BCAS4: variants seen among roughly 807,000 people sequenced by gnomAD.
BCAS4 encodes the protein breast carcinoma amplified sequence 4.
BCAS4 carries 9 observed loss-of-function variants against 15.7 expected under a neutral mutation model. That is an observed-to-expected ratio of 0.57 (90% CI 0.34 to 1.00). The LOEUF (loss-of-function observed/expected upper bound fraction) is 1.00, where lower values mean the gene tolerates loss of function less well. Ranked by LOEUF, BCAS4 falls within the 50% of genes least tolerant of loss-of-function variation. The pLI is 0.02. For missense variants in BCAS4, 225 were observed against 239.1 expected (o/e 0.94, Z 0.39); for synonymous variants, 101 against 99.5 (o/e 1.02, Z -0.09).
intron 4 of BCAS4, among the ~76,000 whole-genome samples, chr20:50,872,680 CTG>C (rs1979717581): frequency 6.6e-6 from 1 of 152,230 alleles, no homozygotes; most frequent in South Asian, 2.1e-4. Context: ...CTCTCCAAGA[CTG>C]TGTTTTGGTC....
intron 2 of BCAS4, among the ~76,000 whole-genome samples, chr20:50,821,640 G>A (rs113263265): frequency 7.9e-5 from 12 of 152,280 alleles, no homozygotes; most frequent in African/African-American, 2.6e-4. Flanking sequence ...TCCCTGCCTC[G>A]GTCTTCAGAA....
chr20:50,812,530 G>A (rs1417472321), intron 1 of BCAS4, among the ~76,000 whole-genome samples: 2 of 151,468 alleles, frequency 1.3e-5, no homozygotes, highest in African/African-American at 4.9e-5. Context: ...TCCACCTCCT[G>A]GATTCCCCAA....
rs559440471 is a variant in BCAS4, at chr20:50,809,336, A to G, written c.91-8875A>G. The stretch of plus-strand genomic sequence containing the variant: ...GCAATTCTCCTGCCTCAGTGTCCCC[A>G]ATAGCTGGGATTACAGGCATGCACT... On this transcript the variant is annotated intron_variant, in intron 1 of 4. Coordinates refer to ENST00000371608, the MANE Select transcript of BCAS4 (RefSeq NM_198799.4). Among the ~76,000 whole-genome samples, 7 of 152,244 alleles carry G rather than the reference A, an allele frequency of 4.6e-5. No individual in the cohort carries two copies. The South Asian group carries it at 1.5e-3, about 32-fold the overall frequency.
chr20:50,848,737 C>G (rs1446952598), intron 4 of BCAS4, among the ~76,000 whole-genome samples: 1 of 152,362 alleles, frequency 6.6e-6, no homozygotes, highest in Non-Finnish European at 1.5e-5. Flanking sequence ...GGGTGCCCTC[C>G]AGGCTGCAGG....
At chr20:50,802,897 G>A (rs2087944771) in intron 1 of BCAS4, among the ~76,000 whole-genome samples, 2 of 148,880 alleles carry the variant, frequency 1.3e-5, no homozygotes, top group South Asian at 2.1e-4. Context: ...AACAAAACAC[G>A]TTGGCTGGCC....
chr20:50,820,474 G>T (rs570492541), intron 2 of BCAS4, among the ~76,000 whole-genome samples: 2 of 152,200 alleles, frequency 1.3e-5, no homozygotes, highest in African/African-American at 2.4e-5. Flanking sequence ...GTGCAAAGGC[G>T]GGGAGGCCAG....
chr20:50,835,245 A>ATTTTT (rs1278646307), intron 3 of BCAS4, among the ~76,000 whole-genome samples: 1 of 134,572 alleles, frequency 7.4e-6, no homozygotes, highest in African/African-American at 2.8e-5. Flanking sequence ...AACTACTATA[A>ATTTTT]TTTTTTTTTT....
chr20:50,804,717 C>A (rs1219405874), intron 1 of BCAS4, among the ~76,000 whole-genome samples: 1 of 152,190 alleles, frequency 6.6e-6, no homozygotes, highest in Admixed American at 6.5e-5. Context: ...AAGTCAGGGT[C>A]TGCATGATTT....
chr20:50,845,893 C>T (rs555539707), intron 4 of BCAS4, among the ~76,000 whole-genome samples: 2 of 152,360 alleles, frequency 1.3e-5, no homozygotes, highest in African/African-American at 2.4e-5. Context: ...GGCAGGCTGC[C>T]CGCTGCCCAG....
intron 2 of BCAS4, among the ~76,000 whole-genome samples, chr20:50,826,294 G>A (rs997699334): frequency 3.3e-5 from 5 of 152,136 alleles, no homozygotes; most frequent in African/African-American, 1.2e-4. Flanking sequence ...CAGGCAGAGC[G>A]TGGAGCTGGG....
intron 4 of BCAS4, among the ~76,000 whole-genome samples, chr20:50,859,764 G>A (rs1040392372): frequency 6.6e-6 from 1 of 152,168 alleles, no homozygotes; most frequent in Non-Finnish European, 1.5e-5. Context: ...AGGTGGGGAG[G>A]TGTAGCCAAC....
At chr20:50,833,580 G>A (rs368255097) in intron 3 of BCAS4, among the ~76,000 whole-genome samples, 13 of 152,226 alleles carry the variant, frequency 8.5e-5, no homozygotes, top group South Asian at 6.2e-4. Context: ...AGATTGCCGC[G>A]TTTCAAAGCG....
chr20:50,828,552 G>C (rs2088306018), intron 2 of BCAS4, among the ~76,000 whole-genome samples: 1 of 152,206 alleles, frequency 6.6e-6, no homozygotes. Flanking sequence ...GGCCAAGGCA[G>C]GTGGATCACT....
At chr20:50,831,113 G>A (rs1236755481) in intron 3 of BCAS4, among the ~76,000 whole-genome samples, 2 of 152,080 alleles carry the variant, frequency 1.3e-5, no homozygotes, top group Admixed American at 1.3e-4. Context: ...CCCCTGGGTT[G>A]CATTCTTGCA....
chr20:50,835,960 C>T (rs1027400025), intron 3 of BCAS4, among the ~76,000 whole-genome samples: 1 of 151,916 alleles, frequency 6.6e-6, no homozygotes, highest in Non-Finnish European at 1.5e-5. Flanking sequence ...CTCTGTCGCC[C>T]AGGCTGGAGT....
At chr20:50,855,595 G>GGAAGGT (rs1978712625) in intron 4 of BCAS4, among the ~76,000 whole-genome samples, 1 of 152,090 alleles carries the variant, frequency 6.6e-6, no homozygotes, top group African/African-American at 2.4e-5. Context: ...AAGGGGAAGG[G>GGAAGGT]TGTGGGCCGG....
At chr20:50,862,170 T>C (rs1979115165) in intron 4 of BCAS4, among the ~76,000 whole-genome samples, 1 of 152,032 alleles carries the variant, frequency 6.6e-6, no homozygotes, top group South Asian at 2.1e-4. Flanking sequence ...CTAGTTTTCC[T>C]TCTCTCTTCC....
At chr20:50,812,235 C>G (rs1244469256) in intron 1 of BCAS4, among the ~76,000 whole-genome samples, 1 of 150,284 alleles carries the variant, frequency 6.7e-6, no homozygotes, top group Non-Finnish European at 1.5e-5. Flanking sequence ...TGGGTTCACG[C>G]CATTCTCCTG....
chr20:50,877,375 T>C (rs1034576332), downstream of BCAS4: 1 of 152,044 alleles, frequency 6.6e-6, no homozygotes, highest in Non-Finnish European at 1.5e-5. Flanking sequence ...ACCCCCAGGG[T>C]CTTCAAAGGC....
Sources: allele counts gnomAD v4.1 joint callset (sites outside exome capture counted in the v4.1 genomes callset), GRCh38; gene constraint gnomAD v4.1.1; transcripts MANE v1.5; gene names NCBI Gene and HGNC (gene_info 2026-07-23, HGNC 2026-07-21).